The following HPF1 variants were observed in gnomAD, a reference collection of about 807,000 sequenced individuals.
HPF1 encodes the protein histone PARylation factor 1.
In HPF1, 35 loss-of-function variants were observed where a neutral mutation model predicts 38.8. That is an observed-to-expected ratio of 0.90 (90% CI 0.69 to 1.19). The LOEUF (loss-of-function observed/expected upper bound fraction) is 1.19, where lower values mean the gene tolerates loss of function less well. Among genes scored for constraint, HPF1 ranks in the 50% most tolerant of loss-of-function variants. HPF1 has a pLI of 0.00. For synonymous variants in HPF1, 115 were observed against 139.2 expected, an observed-to-expected ratio of 0.83 and a Z score of 1.22; for missense variants, 367 against 405.8, an observed-to-expected ratio of 0.90 and a Z score of 0.82.
In HPF1 at chr4:169,737,191, GA is replaced by G. The variant is rs563880536; in HGVS notation, c.736+468del. Among the ~76,000 whole-genome samples the G allele has an allele frequency of 5.7e-3, 867 of 150,926 alleles. 7 individuals are homozygous for G. The highest frequency in any genetic ancestry group is 0.014 in the Middle Eastern group (4 of 294). ...TATAATCCCAGCTACTTGGGAGGCT[GA>G]GGCAGGAGAATCGCTTGAACCTGGG... is the stretch of plus-strand genomic sequence containing the variant. On this transcript the variant is annotated intron_variant, in intron 6 of 7. Coordinates refer to ENST00000393381, the MANE Select transcript of HPF1 (RefSeq NM_017867.3).
chr4:169,739,369 A>G (rs1581315702), intron 5 of HPF1, among the ~76,000 whole-genome samples: 1 of 152,270 alleles, frequency 6.6e-6, no homozygotes, highest in East Asian at 1.9e-4. Flanking sequence ...ATTAGAACAC[A>G]TGTAAGAAAA....
Position 169,742,089 on chromosome 4 carries a change from T to C in HPF1, c.516A>G (p.Lys172=), listed in dbSNP as rs752092537. 6.4e-5 allele frequency: 103 copies of C among 1,607,366 alleles called. No homozygotes were observed. The highest frequency in any genetic ancestry group is 8.3e-5 in the Non-Finnish European group (98 of 1,175,110). The part of the protein sequence containing the change: ...FAAVKLFLTK[K]LREITDKKKI... ...TCTTTTTATCCGTTATTTCTCTAAG[T>C]TTTTTCGTCAAAAATAATCTGAAAA... Residue 172 remains lysine (K), a synonymous_variant, in exon 5 of 8, where the codon AAA becomes AAG. Transcript: ENST00000393381.
Position 169,750,758 on chromosome 4 carries a change from T to A in HPF1, c.209-33A>T, listed in dbSNP as rs1734108238. The A allele has an allele frequency of 2.7e-6, 4 of 1,457,310 alleles. No homozygotes were observed. The East Asian group carries it at 9.2e-5, about 34-fold the overall frequency. 90.3% of individuals were successfully genotyped at this position (1,457,310 alleles called of 1,614,324 possible). ...GAAAATAAATTTAGACAATACTTTCTGGAGACAGGTAGGAAATAATGCTTT... is the reference window on the plus strand; with the variant it reads ...GAAAATAAATTTAGACAATACTTTCAGGAGACAGGTAGGAAATAATGCTTT... On this transcript the variant is annotated intron_variant, in intron 2 of 7. Coordinates refer to ENST00000393381, the MANE Select transcript of HPF1 (RefSeq NM_017867.3).
intron 6 of HPF1, among the ~76,000 whole-genome samples, chr4:169,732,410 A>T (rs1733841945): frequency 6.6e-6 from 1 of 152,130 alleles, no homozygotes; most frequent in Non-Finnish European, 1.5e-5. Context: ...AAGTGCTGGG[A>T]TTACAGGCGT....
intron 4 of HPF1, among the ~76,000 whole-genome samples, chr4:169,744,016 C>T (rs1489217357): frequency 6.6e-6 from 1 of 152,162 alleles, no homozygotes; most frequent in Non-Finnish European, 1.5e-5. Context: ...CTTCTGATTA[C>T]AGCACACGGT....
At chr4:169,734,669 A>C (rs1733870780) in intron 6 of HPF1, among the ~76,000 whole-genome samples, 1 of 152,230 alleles carries the variant, frequency 6.6e-6, no homozygotes, top group African/African-American at 2.4e-5. Flanking sequence ...GTTTCTACTC[A>C]AAATACTCAA....
rs778521095 is a variant in HPF1 at position 169,753,766 on chromosome 4, C to T, written c.118G>A (p.Glu40Lys). 3 of 1,613,562 alleles carry T rather than the reference C, an allele frequency of 1.9e-6. No individual in the cohort carries two copies. In the African/African-American group the frequency reaches 4.0e-5, roughly 22 times the overall value. ...GAAAGCTTATAATGATTTTCTACTT[C>T]TTTTCGAAGGTCACTGGAGACATCA... ...EADVSSDLRK[E>K]VENHYKLSLP... Residue 40 changes from glutamate (E) to lysine (K), a missense_variant, in exon 2 of 8, where the codon GAA (glutamate) becomes AAA (lysine). Glu to Lys is a moderately conservative substitution (Grantham distance 56, BLOSUM62 1). Transcript: ENST00000393381.
intron 7 of HPF1, among the ~76,000 whole-genome samples, chr4:169,731,464 T>G (rs544974918): frequency 8.1e-4 from 123 of 152,296 alleles, no homozygotes; most frequent in African/African-American, 2.8e-3. Context: ...ATCTTCACCT[T>G]TGAGTGAATG....
At chr4:169,757,337 A>G (rs1734201271) in intron 1 of HPF1, among the ~76,000 whole-genome samples, 1 of 151,872 alleles carries the variant, frequency 6.6e-6, no homozygotes. Flanking sequence ...CTTCTTTAAC[A>G]CCCCCTGGGA....
In HPF1 at chr4:169,731,789, A is replaced by T. The variant is rs1560885938; in HGVS notation, c.824T>A (p.Met275Lys). 6.2e-7 allele frequency: 1 copy of T among 1,607,396 alleles called. No individual in the cohort carries two copies. Among genetic ancestry groups the T allele is most frequent in the East Asian group, 2.2e-5 (1 of 44,748 alleles). ...LKAFAPIQEM[M>K]TFVQFANDEC... is the part of the protein sequence containing the mutation. ...ATCATTAGCAAACTGCACAAAAGTC[A>T]TCATTTCCTGAATGGGAGCAAAAGC... The change falls in exon 7 of 8, where the codon ATG becomes AAG. Residue 275 changes from methionine (M) to lysine (K), a missense_variant. Transcript: ENST00000393381.
chr4:169,736,381 T>C (rs142901485), intron 6 of HPF1, among the ~76,000 whole-genome samples: 1 of 104,222 alleles, frequency 9.6e-6, no homozygotes. Flanking sequence ...AAAAAAGAAG[T>C]AAAAAATAAA....
At chr4:169,744,527 G>T (rs1474725439) in intron 4 of HPF1, among the ~76,000 whole-genome samples, 2 of 152,146 alleles carry the variant, frequency 1.3e-5, no homozygotes, top group Admixed American at 6.5e-5. Context: ...CAACGCAAAT[G>T]AATTTGTACC....
chr4:169,755,159 T>C (rs187242604), intron 1 of HPF1, among the ~76,000 whole-genome samples: 1 of 149,072 alleles, frequency 6.7e-6, no homozygotes, highest in East Asian at 2.0e-4. Context: ...AATCAGATGA[T>C]ACAAGAATGG....
intron 7 of HPF1, among the ~76,000 whole-genome samples, chr4:169,730,563 T>C (rs1043266462): frequency 6.6e-6 from 1 of 152,228 alleles, no homozygotes; most frequent in Non-Finnish European, 1.5e-5. Context: ...TCAACTTCAC[T>C]TGGCAACTTG....
intron 2 of HPF1, among the ~76,000 whole-genome samples, chr4:169,751,359 C>G (rs1420507012): frequency 6.7e-6 from 1 of 148,738 alleles, no homozygotes; most frequent in South Asian, 2.1e-4. Context: ...AACGAGATTG[C>G]GCCATTGCAC....
intron 4 of HPF1, among the ~76,000 whole-genome samples, chr4:169,742,532 C>A (rs1430816418): frequency 6.6e-6 from 1 of 152,204 alleles, no homozygotes; most frequent in Admixed American, 6.5e-5. Context: ...GTGGCTCACG[C>A]CTGTAATCCC....
intron 6 of HPF1, among the ~76,000 whole-genome samples, chr4:169,737,202 A>C (rs2150289704): frequency 1.3e-5 from 2 of 149,430 alleles, no homozygotes; most frequent in Non-Finnish European, 3.0e-5. Context: ...AGGCAGGAGA[A>C]TCGCTTGAAC....
intron 7 of HPF1, among the ~76,000 whole-genome samples, 199 bp from the exon 8 acceptor site, chr4:169,729,908 A>C (rs1321235871): frequency 1.3e-5 from 2 of 152,196 alleles, no homozygotes; most frequent in Non-Finnish European, 2.9e-5. Flanking sequence ...CTAGATGACT[A>C]ATGGCATATC....
At chr4:169,746,039 T>A (rs981166234) in intron 4 of HPF1, among the ~76,000 whole-genome samples, 1 of 151,990 alleles carries the variant, frequency 6.6e-6, no homozygotes, top group African/African-American at 2.4e-5. Context: ...AAAAAAAAAA[T>A]CATTCCTTTG....
Sources: gnomAD v4.1 joint callset for allele counts (sites outside exome capture counted in the v4.1 genomes callset) on GRCh38, gnomAD v4.1.1 for gene constraint, MANE v1.5 for transcripts, NCBI Gene and HGNC (gene_info 2026-07-23, HGNC 2026-07-21) for gene names.